GHR: variants seen among roughly 807,000 people sequenced by gnomAD.
GHR encodes the protein growth hormone receptor.
GHR carries 35 observed loss-of-function variants against 67.1 expected under a neutral mutation model. The observed-to-expected ratio is 0.52, with a 90% CI of 0.40 to 0.69. The LOEUF (loss-of-function observed/expected upper bound fraction) is 0.69, where lower values mean the gene tolerates loss of function less well. GHR is among the 30% of genes least tolerant of loss of function. GHR has a pLI of 0.00. For synonymous variants in GHR, 272 were observed against 269.1 expected, an observed-to-expected ratio of 1.01 and a Z score of -0.10; for missense variants, 792 against 764.6, an observed-to-expected ratio of 1.04 and a Z score of -0.42.
intron 2 of GHR, among the ~76,000 whole-genome samples, chr5:42,568,363 A>C (rs1750074227): frequency 6.6e-6 from 1 of 152,190 alleles, no homozygotes; most frequent in South Asian, 2.1e-4. Context: ...CTCATCCTTA[A>C]TATGAAGCTC....
At chr5:42,427,773 C>T (rs1239951806) in intron 1 of GHR, among the ~76,000 whole-genome samples, 1 of 152,200 alleles carries the variant, frequency 6.6e-6, no homozygotes, top group Admixed American at 6.5e-5. Flanking sequence ...GAGGTACAGG[C>T]ATTGTGTAAA....
chr5:42,425,148 G>A, intron 1 of GHR: 1 of 402,378 alleles, frequency 2.5e-6, no homozygotes, highest in Non-Finnish European at 3.4e-6. Flanking sequence ...AGGACTGGAA[G>A]TGAGGTTTTG....
chr5:42,495,170 A>G (rs189178985), intron 1 of GHR, among the ~76,000 whole-genome samples: 1 of 152,142 alleles, frequency 6.6e-6, no homozygotes, highest in Admixed American at 6.5e-5. Context: ...AGTAAGCAAG[A>G]AAGAGAGCAG....
chr5:42,651,311 G>A (rs1167879166), intron 3 of GHR, among the ~76,000 whole-genome samples: 1 of 152,146 alleles, frequency 6.6e-6, no homozygotes, highest in Non-Finnish European at 1.5e-5. Context: ...CCAACATCTT[G>A]TAAATTCCAA....
chr5:42,543,974 C>T (rs1462775588), intron 1 of GHR, among the ~76,000 whole-genome samples: 1 of 152,042 alleles, frequency 6.6e-6, no homozygotes, highest in Admixed American at 6.6e-5. Flanking sequence ...CAAAGTACAA[C>T]TTTGCACTGC....
intron 3 of GHR, among the ~76,000 whole-genome samples, chr5:42,660,586 A>G (rs1027862628): frequency 1.3e-5 from 2 of 152,094 alleles, no homozygotes; most frequent in African/African-American, 4.8e-5. Context: ...AACAGAAAGG[A>G]CATCCACACC....
chr5:42,544,713 G>A (rs1748661850), intron 1 of GHR, among the ~76,000 whole-genome samples: 1 of 152,048 alleles, frequency 6.6e-6, no homozygotes, highest in Admixed American at 6.6e-5. Flanking sequence ...ACACACCCAT[G>A]CATCAAAAAG....
intron 1 of GHR, among the ~76,000 whole-genome samples, chr5:42,520,567 G>GATATCA (rs1747429113): frequency 6.6e-6 from 1 of 152,140 alleles, no homozygotes; most frequent in Non-Finnish European, 1.5e-5. Context: ...TCAGGCACTT[G>GATATCA]ATATCAAGAT....
intron 2 of GHR, among the ~76,000 whole-genome samples, chr5:42,612,810 G>A (rs1417978909): frequency 1.3e-5 from 2 of 151,978 alleles, no homozygotes; most frequent in Admixed American, 6.5e-5. Context: ...CACCTTCCAG[G>A]AGAGATTTCA....
intron 1 of GHR, among the ~76,000 whole-genome samples, chr5:42,474,315 A>AAGAAAGAAAGAAAGAAAGAAAGAAAG (rs1561325588): frequency 2.9e-5 from 4 of 139,866 alleles, no homozygotes; most frequent in Non-Finnish European, 4.7e-5. Flanking sequence ...GAAAGAAAGA[A>AAGAAAGAAAGAAAGAAAGAAAGAAAG]AGAAAGAAAG....
Position 42,424,726 on chromosome 5 carries a change from A to C in GHR, c.-12+771A>C. On this transcript the variant is annotated intron_variant, in intron 1 of 9. Transcript: ENST00000230882. This position sits in a 1 kb window ranked among gnomAD's most constrained non-coding sequence, Gnocchi z 4.1. Reference sequence around the variant, plus strand: ...GGGTCAATGGGGTGGCCGCGTGTCTAGGGAGAGGGCGCTGGCGGCGCAGAG... The same window carrying C: ...GGGTCAATGGGGTGGCCGCGTGTCTCGGGAGAGGGCGCTGGCGGCGCAGAG... 2 of 981,412 alleles carry C rather than the reference A, an allele frequency of 2.0e-6. No homozygotes were observed. Among genetic ancestry groups the C allele is most frequent in the Non-Finnish European group, 3.1e-6 (2 of 640,624 alleles). 60.8% of individuals were successfully genotyped at this position (981,412 alleles called of 1,614,324 possible).
chr5:42,602,492 G>A (rs1752428114), intron 2 of GHR, among the ~76,000 whole-genome samples: 1 of 152,030 alleles, frequency 6.6e-6, no homozygotes, highest in African/African-American at 2.4e-5. Flanking sequence ...TTTTATTGAG[G>A]AGTTTAGACC....
chr5:42,454,897 C>G (rs916708199), intron 1 of GHR, among the ~76,000 whole-genome samples: 1 of 152,118 alleles, frequency 6.6e-6, no homozygotes, highest in East Asian at 1.9e-4. Context: ...ATTCTGTTCA[C>G]GCAGGTTCAT....
Position 42,424,985 on chromosome 5 carries a change from A to G in GHR, c.-12+1030A>G. The G allele has an allele frequency of 1.0e-6, 1 of 985,090 alleles. No homozygotes were observed. The highest frequency in any genetic ancestry group is 1.2e-6 in the Non-Finnish European group (1 of 829,608). 61.0% of individuals were successfully genotyped at this position (985,090 alleles called of 1,614,324 possible). ...GTGTGCAGGGTGGAAGAGGCCACAG[A>G]GGTGCCGCCTGTCTGTTTGTGCCGC... On this transcript the variant is annotated intron_variant, in intron 1 of 9. Coordinates refer to ENST00000230882, the MANE Select transcript of GHR (RefSeq NM_000163.5). This position sits in a 1 kb window ranked among gnomAD's most constrained non-coding sequence, Gnocchi z 4.1.
chr5:42,611,066 C>T (rs938226490), intron 2 of GHR, among the ~76,000 whole-genome samples: 1 of 152,152 alleles, frequency 6.6e-6, no homozygotes, highest in Non-Finnish European at 1.5e-5. Context: ...TAAAGAAATG[C>T]ATTGATGAAG....
At chr5:42,605,079 T>C (rs1752560732) in intron 2 of GHR, among the ~76,000 whole-genome samples, 1 of 150,912 alleles carries the variant, frequency 6.6e-6, no homozygotes, top group African/African-American at 2.4e-5. Flanking sequence ...GACCAGAGAT[T>C]TGTGGTGCCT....
At chr5:42,492,060 A>G in intron 1 of GHR, among the ~76,000 whole-genome samples, 1 of 152,224 alleles carries the variant, frequency 6.6e-6, no homozygotes, top group Middle Eastern at 3.2e-3. Flanking sequence ...CATCATGGAC[A>G]GATAGTTCTG....
At chr5:42,474,333 G>GAAAGAAAGAAAGAAA (rs144590349) in intron 1 of GHR, among the ~76,000 whole-genome samples, 1 of 149,106 alleles carries the variant, frequency 6.7e-6, no homozygotes, top group South Asian at 2.2e-4. Context: ...AAGAAAGAAA[G>GAAAGAAAGAAAGAAA]AAAGAAAAGA....
chr5:42,529,325 T>C (rs930944831), intron 1 of GHR, among the ~76,000 whole-genome samples: 1 of 152,154 alleles, frequency 6.6e-6, no homozygotes, highest in African/African-American at 2.4e-5. Flanking sequence ...ATAACTTTTA[T>C]ATACAGTAGG....
Sources: gnomAD v4.1 joint callset for allele counts (sites outside exome capture counted in the v4.1 genomes callset) on GRCh38, gnomAD v4.1.1 for gene constraint, Gnocchi (gnomAD v3.1) non-coding constraint, MANE v1.5 for transcripts, NCBI Gene and HGNC (gene_info 2026-07-23, HGNC 2026-07-21) for gene names.